The following PRELID2 variants were observed in gnomAD, a reference collection of about 807,000 sequenced individuals.
PRELID2 encodes PRELI domain-containing protein 2.
Under a neutral mutation model 28.4 loss-of-function variants are expected in PRELID2, and 25 were observed. The ratio of observed to expected loss-of-function variants is 0.88; its 90% CI spans 0.64 to 1.23. The LOEUF (loss-of-function observed/expected upper bound fraction) is 1.23. Ranked by LOEUF, PRELID2 falls within the 50% of genes most tolerant of loss-of-function variation. The pLI, the probability that PRELID2 is intolerant of heterozygous loss-of-function variation, is 0.00. For synonymous variants in PRELID2, 76 were observed against 71.6 expected, an observed-to-expected ratio of 1.06 and a Z score of -0.31; for missense variants, 201 against 214.4, an observed-to-expected ratio of 0.94 and a Z score of 0.39.
chr5:145,311,107 T>G, the PRELID2 span, among the ~76,000 whole-genome samples: 1 of 152,222 alleles, frequency 6.6e-6, no homozygotes, highest in Non-Finnish European at 1.5e-5. Context: ...CTCAGTGGTT[T>G]GCAGAAACTA....
the PRELID2 span, among the ~76,000 whole-genome samples, chr5:145,275,147 A>G: frequency 6.6e-6 from 1 of 152,112 alleles, no homozygotes; most frequent in African/African-American, 2.4e-5. Context: ...GGATTTCAAC[A>G]TATGAATTTT....
the PRELID2 span, among the ~76,000 whole-genome samples, chr5:145,276,383 A>G: frequency 1.3e-3 from 191 of 152,254 alleles, no homozygotes; most frequent in African/African-American, 4.5e-3. Context: ...GTTGTTTCAC[A>G]TGGTCACAGT....
the PRELID2 span, among the ~76,000 whole-genome samples, chr5:145,314,848 T>A: frequency 1.3e-5 from 2 of 151,958 alleles, no homozygotes; most frequent in South Asian, 4.1e-4. Context: ...GATAAATTTA[T>A]ATAATTTACT....
chr5:145,319,283 T>G, the PRELID2 span, among the ~76,000 whole-genome samples: 1 of 152,156 alleles, frequency 6.6e-6, no homozygotes, highest in African/African-American at 2.4e-5. Flanking sequence ...GGATGGGAAT[T>G]TCCCTGATAA....
At chr5:145,717,635 T>A (rs1755878358) in intron 1 of PRELID2, among the ~76,000 whole-genome samples, 1 of 151,324 alleles carries the variant, frequency 6.6e-6, no homozygotes, top group Non-Finnish European at 1.5e-5. Context: ...TTTGATACAA[T>A]TACAATTTTA....
At chr5:145,498,525 T>TG (rs1424450190) in intron 1 of PRELID2, among the ~76,000 whole-genome samples, 3 of 151,612 alleles carry the variant, frequency 2.0e-5, no homozygotes, top group Non-Finnish European at 4.4e-5. Flanking sequence ...TTTGCTTTGT[T>TG]TTGTTGTTGT....
At chr5:145,566,841 A>G (rs1185691832) in intron 1 of PRELID2, among the ~76,000 whole-genome samples, 1 of 117,704 alleles carries the variant, frequency 8.5e-6, no homozygotes, top group Non-Finnish European at 1.6e-5. Context: ...CTCCATCTCA[A>G]AAAAAAAAAA....
chr5:145,782,461 G>A (rs1751696688), intron 5 of PRELID2, among the ~76,000 whole-genome samples: 1 of 152,160 alleles, frequency 6.6e-6, no homozygotes, highest in African/African-American at 2.4e-5. Context: ...AAAACTAAAT[G>A]TTCATACAAC....
the PRELID2 span, among the ~76,000 whole-genome samples, chr5:145,263,220 T>C: frequency 2.0e-5 from 3 of 152,148 alleles, no homozygotes; most frequent in African/African-American, 4.8e-5. Context: ...ATGAGATAGA[T>C]AGCAACACAA....
the PRELID2 span, among the ~76,000 whole-genome samples, chr5:145,377,927 A>C: frequency 1.3e-5 from 2 of 152,160 alleles, no homozygotes; most frequent in African/African-American, 2.4e-5. Flanking sequence ...AGAATTGTTT[A>C]TGTGGTTGCT....
chr5:145,434,919 T>C, the PRELID2 span, among the ~76,000 whole-genome samples: 4 of 152,150 alleles, frequency 2.6e-5, no homozygotes, highest in African/African-American at 9.7e-5. Flanking sequence ...TCAGGTTCAA[T>C]CCCTGGCTCT....
At chr5:145,571,086 T>G (rs1753011366) in intron 1 of PRELID2, among the ~76,000 whole-genome samples, 1 of 152,222 alleles carries the variant, frequency 6.6e-6, no homozygotes, top group East Asian at 1.9e-4. Flanking sequence ...TACACATAAA[T>G]GTACTCTGAT....
the PRELID2 span, among the ~76,000 whole-genome samples, chr5:145,411,056 T>A: frequency 6.6e-6 from 1 of 152,256 alleles, no homozygotes; most frequent in African/African-American, 2.4e-5. Flanking sequence ...AAGTGTGAAC[T>A]CTAACAGGTC....
At chr5:145,618,810 A>G (rs9885537) in intron 1 of PRELID2, among the ~76,000 whole-genome samples, 29,514 of 152,022 alleles carry the variant, frequency 0.19, 5,085 homozygotes, top group African/African-American at 0.45. Context: ...GGTGGGGACA[A>G]GGCTAGGCAT....
intron 1 of PRELID2, among the ~76,000 whole-genome samples, chr5:145,707,787 C>T (rs1755586605): frequency 6.6e-6 from 1 of 152,090 alleles, no homozygotes; most frequent in African/African-American, 2.4e-5. Context: ...GGATTGTTTA[C>T]ATTGTGTTGT....
chr5:145,721,414 C>T (rs946295293), intron 1 of PRELID2, among the ~76,000 whole-genome samples: 22 of 151,986 alleles, frequency 1.4e-4, no homozygotes, highest in African/African-American at 5.3e-4. Flanking sequence ...AACCAGCAGA[C>T]AAGGGAATTT....
intron 5 of PRELID2, among the ~76,000 whole-genome samples, chr5:145,766,109 A>T (rs1297161801): frequency 1.3e-5 from 2 of 152,186 alleles, no homozygotes; most frequent in African/African-American, 4.8e-5. Flanking sequence ...AGACCAGAGG[A>T]TAAACCTTCA....
chr5:145,290,300 C>A, the PRELID2 span, among the ~76,000 whole-genome samples: 24 of 152,064 alleles, frequency 1.6e-4, no homozygotes, highest in Non-Finnish European at 1.5e-5. Context: ...CATATGCACA[C>A]GTATGTTTAT....
At chr5:145,366,100 G>T in the PRELID2 span, among the ~76,000 whole-genome samples, 1 of 151,832 alleles carries the variant, frequency 6.6e-6, no homozygotes, top group Non-Finnish European at 1.5e-5. Flanking sequence ...ACTTAAGTGG[G>T]TATGTTGGGG....
Sources: allele counts gnomAD v4.1 joint callset (sites outside exome capture counted in the v4.1 genomes callset), GRCh38; gene constraint gnomAD v4.1.1; transcripts MANE v1.5; gene names NCBI Gene and HGNC (gene_info 2026-07-23, HGNC 2026-07-21).